The following CSMD1 variants were observed in gnomAD, a reference collection of about 807,000 sequenced individuals.
The protein encoded by CSMD1 is CUB and Sushi multiple domains 1, also known as CUB and sushi domain-containing protein 1.
CSMD1 carries 213 observed loss-of-function variants against 417.5 expected under a neutral mutation model. The observed-to-expected ratio is 0.51, with a 90% CI of 0.46 to 0.57. The LOEUF (loss-of-function observed/expected upper bound fraction) is 0.57, where lower values mean the gene tolerates loss of function less well. Among genes scored for constraint, CSMD1 ranks in the 20% least tolerant of loss-of-function variants. The pLI is 0.00. For missense variants in CSMD1, 6,923 were observed against 4,529.7 expected (o/e 1.53, Z -15.17); for synonymous variants, 2,862 against 1,736.8 (o/e 1.65, Z -16.11).
intron 3 of CSMD1, among the ~76,000 whole-genome samples, chr8:4,167,992 G>A (rs981106608): frequency 2.0e-5 from 3 of 151,936 alleles, no homozygotes; most frequent in East Asian, 3.9e-4. Flanking sequence ...AGCCAGGCGT[G>A]GTGGCAGACT....
At chr8:3,657,169 A>G (rs993337201) in intron 7 of CSMD1, among the ~76,000 whole-genome samples, 54 of 152,314 alleles carry the variant, frequency 3.5e-4, no homozygotes, top group Admixed American at 2.9e-3. Context: ...GTAAATTTAC[A>G]TCCTACAGGA....
chr8:3,466,531 T>C (rs1403376254), intron 12 of CSMD1, among the ~76,000 whole-genome samples: 2 of 151,302 alleles, frequency 1.3e-5, no homozygotes, highest in African/African-American at 4.9e-5. Context: ...TGCCCCAGCC[T>C]CCTGTGTATC....
chr8:4,439,523 T>G (rs979425849), intron 2 of CSMD1, among the ~76,000 whole-genome samples: 1 of 152,122 alleles, frequency 6.6e-6, no homozygotes, highest in African/African-American at 2.4e-5. Context: ...CATATATGCA[T>G]ACATTTGAAA....
chr8:2,966,082 C>T (rs1285447483), intron 58 of CSMD1, 128 bp from the exon 59 acceptor site: 6 of 733,176 alleles, frequency 8.2e-6, no homozygotes, highest in Non-Finnish European at 1.4e-5. Context: ...ATTAATACAG[C>T]AATACTACCC....
rs565570510 is a variant in CSMD1, at chr8:3,282,268, G to T, written c.4153+1876C>A. The stretch of plus-strand genomic sequence containing the variant: ...TTGATTGCAACAAATGGACCACTCT[G>T]TGGGGATGTTGACAGGGAGGAGGCT... On this transcript the variant is annotated intron_variant, in intron 26 of 69. Transcript: ENST00000635120. 2.5e-3 allele frequency among the ~76,000 whole-genome samples: 382 copies of T among 152,276 alleles called. 1 individual carries two copies. The highest frequency in any genetic ancestry group is 4.4e-3 in the Non-Finnish European group (301 of 68,034).
intron 2 of CSMD1, among the ~76,000 whole-genome samples, chr8:4,518,002 A>T (rs2130378803): frequency 6.6e-6 from 1 of 152,332 alleles, no homozygotes; most frequent in East Asian, 1.9e-4. Flanking sequence ...GATACTCATT[A>T]AATTGATACA....
chr8:3,615,321 G>A (rs1449015721), intron 8 of CSMD1, among the ~76,000 whole-genome samples: 1 of 152,112 alleles, frequency 6.6e-6, no homozygotes, highest in African/African-American at 2.4e-5. Flanking sequence ...ACTGAAGTGA[G>A]TCTCCAGTAA....
intron 2 of CSMD1, among the ~76,000 whole-genome samples, chr8:4,499,252 A>G (rs1006743179): frequency 7.2e-5 from 11 of 152,222 alleles, no homozygotes; most frequent in African/African-American, 2.4e-4. Context: ...GGGATTCTGG[A>G]TAAGCACAGG....
intron 23 of CSMD1, among the ~76,000 whole-genome samples, chr8:3,318,487 A>G (rs1428187845): frequency 6.6e-6 from 1 of 152,222 alleles, no homozygotes; most frequent in African/African-American, 2.4e-5. Context: ...TAGTCTGTGT[A>G]GATAAAAGAT....
chr8:4,766,155 T>G (rs368392715), intron 1 of CSMD1, among the ~76,000 whole-genome samples: 1 of 152,228 alleles, frequency 6.6e-6, no homozygotes, highest in Non-Finnish European at 1.5e-5. Context: ...CTTTGTGTAC[T>G]AGTCCTGTAG....
At chr8:4,918,971 C>T (rs762691210) in intron 1 of CSMD1, among the ~76,000 whole-genome samples, 8 of 151,912 alleles carry the variant, frequency 5.3e-5, no homozygotes, top group Non-Finnish European at 7.4e-5. Flanking sequence ...TTTGCTATTA[C>T]GATTGAGTTG....
chr8:4,731,538 T>C (rs531065300), intron 1 of CSMD1, among the ~76,000 whole-genome samples: 1 of 152,362 alleles, frequency 6.6e-6, no homozygotes, highest in South Asian at 2.1e-4. Context: ...ATTTGTTCTT[T>C]TGTTCATTAA....
intron 23 of CSMD1, among the ~76,000 whole-genome samples, chr8:3,322,678 G>A (rs1376202706): frequency 1.3e-5 from 2 of 152,176 alleles, no homozygotes; most frequent in Non-Finnish European, 2.9e-5. Flanking sequence ...TTGCATTATG[G>A]AGGTGTCAGA....
chr8:4,472,768 G>C lies in CSMD1; in HGVS notation c.303-52703C>G, dbSNP rs148406191. Reference sequence around the variant, plus strand: ...ACGTTCACTTCTTTTAATATAGAAAGTTATTTTAAAATACCATTCAATATC... The same window carrying C: ...ACGTTCACTTCTTTTAATATAGAAACTTATTTTAAAATACCATTCAATATC... On this transcript the variant is annotated intron_variant, in intron 2 of 69. Transcript: ENST00000635120. 9.4e-4 allele frequency among the ~76,000 whole-genome samples: 143 copies of C among 151,878 alleles called. 3 individuals carry two copies. In the East Asian group the frequency reaches 0.026, roughly 28 times the overall value.
At chr8:3,791,841 A>T (rs558086511) in intron 5 of CSMD1, among the ~76,000 whole-genome samples, 263 of 127,802 alleles carry the variant, frequency 2.1e-3, no homozygotes, top group East Asian at 9.5e-3. Flanking sequence ...ATAATAATAA[A>T]AAAATAATGT....
At position 4,598,685 on chromosome 8, in the gene CSMD1, C is replaced by T. The variant is rs563455474; in HGVS notation, c.302+38657G>A. Among the ~76,000 whole-genome samples the T allele has an allele frequency of 1.2e-4, 19 of 152,296 alleles. No individual in the cohort carries two copies. In the East Asian group the frequency reaches 3.5e-3, roughly 28 times the overall value. ...TAATTTCCTCTGAAATATTTACACT[C>T]GTTGACAATAAGCATTAATTAGTGC... On this transcript the variant is annotated intron_variant, in intron 2 of 69. Transcript: ENST00000635120.
intron 1 of CSMD1, among the ~76,000 whole-genome samples, chr8:4,785,422 C>T (rs1797353711): frequency 6.6e-6 from 1 of 152,126 alleles, no homozygotes; most frequent in South Asian, 2.1e-4. Context: ...AAAATGCCCC[C>T]ACAGTGGGTT....
intron 56 of CSMD1, among the ~76,000 whole-genome samples, chr8:2,973,517 A>T (rs1804643065): frequency 6.6e-6 from 1 of 152,222 alleles, no homozygotes; most frequent in Non-Finnish European, 1.5e-5. Flanking sequence ...ACTTCACAAT[A>T]GCCTATTCAA....
intron 5 of CSMD1, among the ~76,000 whole-genome samples, chr8:3,814,279 C>G (rs192444795): frequency 6.6e-6 from 1 of 152,276 alleles, no homozygotes; most frequent in East Asian, 1.9e-4. Context: ...AATTCTGTAT[C>G]TGAATCTTGA....
Sources: gnomAD v4.1 joint callset for allele counts (sites outside exome capture counted in the v4.1 genomes callset) on GRCh38, gnomAD v4.1.1 for gene constraint, MANE v1.5 for transcripts, NCBI Gene and HGNC (gene_info 2026-07-23, HGNC 2026-07-21) for gene names.